NEIL3: variants seen among roughly 807,000 people sequenced by gnomAD.
NEIL3 encodes the protein endonuclease 8-like 3.
Under a neutral mutation model 57.5 loss-of-function variants are expected in NEIL3, and 48 were observed. The observed-to-expected ratio is 0.83, with a 90% CI of 0.66 to 1.06. The LOEUF (loss-of-function observed/expected upper bound fraction) is 1.06, where lower values mean the gene tolerates loss of function less well. Ranked by LOEUF, NEIL3 falls within the 50% of genes least tolerant of loss-of-function variation. The pLI, the probability that NEIL3 is intolerant of heterozygous loss-of-function variation, is 0.00. For missense variants in NEIL3, 717 were observed against 739.1 expected (o/e 0.97, Z 0.35); for synonymous variants, 261 against 253.2 (o/e 1.03, Z -0.29).
At chr4:177,368,967 A>G in the NEIL3 span, among the ~76,000 whole-genome samples, 1 of 152,222 alleles carries the variant, frequency 6.6e-6, no homozygotes, top group Admixed American at 6.5e-5. Flanking sequence ...TATATCTTAC[A>G]ATGCCCATGA....
chr4:177,327,452 AC>A (rs1472982682), intron 2 of NEIL3, among the ~76,000 whole-genome samples: 2 of 152,190 alleles, frequency 1.3e-5, no homozygotes, highest in Admixed American at 1.3e-4. Flanking sequence ...GTTCTAGGAT[AC>A]ATGTGCAGAA....
downstream of NEIL3, among the ~76,000 whole-genome samples, chr4:177,367,893 G>A (rs1207408287): frequency 6.6e-6 from 1 of 152,166 alleles, no homozygotes; most frequent in Non-Finnish European, 1.5e-5. Context: ...TGACCACTCT[G>A]TGTAATAGAC....
At chr4:177,327,557 T>A (rs1028088575) in intron 2 of NEIL3, among the ~76,000 whole-genome samples, 1 of 152,106 alleles carries the variant, frequency 6.6e-6, no homozygotes, top group African/African-American at 2.4e-5. Flanking sequence ...ATGCATTAAG[T>A]GTTTGTCCTA....
chr4:177,368,729 A>T, the NEIL3 span, among the ~76,000 whole-genome samples: 1 of 152,244 alleles, frequency 6.6e-6, no homozygotes, highest in African/African-American at 2.4e-5. Flanking sequence ...AATGTCATTG[A>T]AAAGTGTTAC....
chr4:177,347,514 A>T (rs577990508), intron 6 of NEIL3, among the ~76,000 whole-genome samples: 61 of 152,244 alleles, frequency 4.0e-4, no homozygotes, highest in African/African-American at 1.3e-3. Context: ...GGAGAGTTTG[A>T]GCAGGAGGGC....
intron 9 of NEIL3, among the ~76,000 whole-genome samples, chr4:177,361,356 C>T (rs1560924066): frequency 6.6e-6 from 1 of 152,290 alleles, no homozygotes; most frequent in African/African-American, 2.4e-5. Flanking sequence ...TCTAGTTACT[C>T]TTCATCTGGA....
chr4:177,356,164 C>T (rs536020877), intron 8 of NEIL3, among the ~76,000 whole-genome samples: 14 of 152,156 alleles, frequency 9.2e-5, no homozygotes, highest in African/African-American at 3.4e-4. Context: ...ATTTGTTGTA[C>T]CTAGATGAAA....
intron 6 of NEIL3, 105 bp from the exon 7 acceptor site, chr4:177,351,275 A>G (rs1233996572): frequency 1.5e-6 from 1 of 662,210 alleles, no homozygotes; most frequent in Non-Finnish European, 2.5e-6. Flanking sequence ...AAGCAATAAT[A>G]AAGAGATAGC....
chr4:177,360,535 G>T lies in NEIL3; in HGVS notation c.1493G>T (p.Arg498Leu). The change falls in exon 9 of 10, where the codon CGT becomes CTT. Residue 498 changes from arginine to leucine, a missense_variant. By Grantham distance (102) the Arg-to-Leu change is moderately radical. Transcript: ENST00000264596. Reference protein sequence around the residue: ...ELQINMTDGPRTLNPDSPRCS... With the variant: ...ELQINMTDGPLTLNPDSPRCS... Reference sequence around the variant, plus strand: ...CAAATTAATATGACAGATGGCCCTCGTACCTTAAATCCTGACAGCCCTCGC... The same window carrying T: ...CAAATTAATATGACAGATGGCCCTCTTACCTTAAATCCTGACAGCCCTCGC... 6.2e-7 allele frequency: 1 copy of T among 1,613,692 alleles called. No individual in the cohort carries two copies. The highest frequency in any genetic ancestry group is 1.1e-5 in the South Asian group (1 of 90,988).
At chr4:177,340,000 G>GTGT in intron 5 of NEIL3, 143 bp downstream of exon 5, 1 of 616,448 alleles carries the variant, frequency 1.6e-6, no homozygotes, top group Non-Finnish European at 2.9e-6. Flanking sequence ...CATTATGTGG[G>GTGT]TGTAATTAAC....
chr4:177,342,137 A>G (rs1166958126), intron 6 of NEIL3, among the ~76,000 whole-genome samples: 2 of 152,154 alleles, frequency 1.3e-5, no homozygotes, highest in Non-Finnish European at 2.9e-5. Context: ...TAACCGCAGG[A>G]TAGGTTTGAG....
intron 1 of NEIL3, among the ~76,000 whole-genome samples, chr4:177,321,779 G>A (rs922078643): frequency 1.3e-5 from 2 of 152,046 alleles, no homozygotes; most frequent in African/African-American, 2.4e-5. Context: ...CCCTACTCAG[G>A]GGGCCGCAGG....
chr4:177,353,971 G>A, intron 8 of NEIL3: 3 of 399,698 alleles, frequency 7.5e-6, no homozygotes, highest in Non-Finnish European at 1.3e-5. Flanking sequence ...TCACCATGTT[G>A]GCCAGGCTGG....
chr4:177,365,223 T>C (rs1735678043), downstream of NEIL3, among the ~76,000 whole-genome samples: 2 of 152,104 alleles, frequency 1.3e-5, no homozygotes, highest in African/African-American at 4.8e-5. Context: ...GTGCTTTAGG[T>C]AAACTGGCAC....
chr4:177,319,155 G>C (rs1734628876), intron 1 of NEIL3, among the ~76,000 whole-genome samples: 1 of 152,208 alleles, frequency 6.6e-6, no homozygotes, highest in Non-Finnish European at 1.5e-5. Context: ...TGGGACTCGT[G>C]TACTGTCTTA....
In NEIL3 at chr4:177,341,482, A is replaced by G; in HGVS notation, c.709A>G (p.Lys237Glu). 6.4e-7 allele frequency: 1 copy of G among 1,565,454 alleles called. No individual in the cohort carries two copies. Among genetic ancestry groups the G allele is most frequent in the South Asian group, 1.2e-5 (1 of 82,952 alleles). Residue 237 changes from lysine to glutamate, a missense_variant, in exon 6 of 10, where the codon AAA becomes GAA. Lys to Glu is a moderately conservative substitution (Grantham distance 56). Coordinates refer to ENST00000264596, the MANE Select transcript of NEIL3 (RefSeq NM_018248.3). ...DFSILFYRCR[K>E]AGLALSKHYK... is the part of the protein sequence containing the mutation. The stretch of plus-strand genomic sequence containing the variant: ...TGGTTTTTTTTTTTTTTAGTGCCGT[A>G]AAGCAGGACTTGCTCTCTCTAAACA...
At chr4:177,361,534 A>G (rs1192674319) in intron 9 of NEIL3, among the ~76,000 whole-genome samples, 1 of 152,122 alleles carries the variant, frequency 6.6e-6, no homozygotes, top group Non-Finnish European at 1.5e-5. Flanking sequence ...ACACAGTGTA[A>G]CTCTACCCTA....
intron 8 of NEIL3, among the ~76,000 whole-genome samples, chr4:177,357,567 T>C (rs187271529): frequency 2.0e-5 from 3 of 152,324 alleles, no homozygotes; most frequent in Admixed American, 1.3e-4. Context: ...TTCTTGATGA[T>C]AGTTTTTGTC....
Position 177,362,404 on chromosome 4 carries a change from A to C in NEIL3, c.1751A>C (p.Glu584Ala). 1 of 1,613,706 alleles carries C rather than the reference A, an allele frequency of 6.2e-7. No individual in the cohort carries two copies. The highest frequency in any genetic ancestry group is 8.5e-7 in the Non-Finnish European group (1 of 1,179,830). ...KNFFVCPLGK[E>A]KQCNFFQWAE... ...TTTTTTGTGTGTCCTCTTGGGAAGG[A>C]AAAACAATGCAATTTTTTCCAGTGG... is the stretch of plus-strand genomic sequence containing the variant. The change falls in exon 10 of 10, where the codon GAA becomes GCA. Residue 584 changes from glutamate (E) to alanine (A), a missense_variant. Coordinates refer to ENST00000264596, the MANE Select transcript of NEIL3 (RefSeq NM_018248.3).
Sources: allele counts gnomAD v4.1 joint callset (sites outside exome capture counted in the v4.1 genomes callset), GRCh38; gene constraint gnomAD v4.1.1; transcripts MANE v1.5; gene names NCBI Gene and HGNC (gene_info 2026-07-23, HGNC 2026-07-21).